Variants in PTPN11 observed in about 807,000 individuals in gnomAD.
PTPN11 encodes tyrosine-protein phosphatase non-receptor type 11.
PTPN11 carries 6 observed loss-of-function variants against 78.8 expected under a neutral mutation model. The observed-to-expected ratio is 0.08, with a 90% confidence interval of 0.04 to 0.15. The LOEUF (loss-of-function observed/expected upper bound fraction) is 0.15, where lower values mean the gene tolerates loss of function less well. Ranked by LOEUF, PTPN11 falls within the 10% of genes least tolerant of loss-of-function variation. The probability of loss-of-function intolerance (pLI) is 1.00; values close to 1 mark genes in which losing one functional copy is unlikely to be tolerated. For missense variants in PTPN11, 386 were observed against 744.8 expected (o/e 0.52, Z 5.61); for synonymous variants, 221 against 263.5 (o/e 0.84, Z 1.56).
intron 1 of PTPN11, among the ~76,000 whole-genome samples, chr12:112,422,624 C>T (rs528429656): frequency 5.3e-5 from 8 of 152,274 alleles, no homozygotes; most frequent in African/African-American, 9.6e-5. Context: ...CTGGTGGCCA[C>T]GTTTGTTTAT....
At chr12:112,495,147 T>C (rs2038798956) in intron 13 of PTPN11, among the ~76,000 whole-genome samples, 1 of 152,234 alleles carries the variant, frequency 6.6e-6, no homozygotes, top group South Asian at 2.1e-4. Context: ...GTTAACATTT[T>C]ACCTAACCAT....
chr12:112,493,768 T>G (rs1419986728), intron 13 of PTPN11, among the ~76,000 whole-genome samples: 2 of 152,196 alleles, frequency 1.3e-5, no homozygotes, highest in African/African-American at 4.8e-5. Context: ...AACTTCAAGT[T>G]TGTACCCTTT....
chr12:112,492,421 T>G (rs1015565213), intron 13 of PTPN11, among the ~76,000 whole-genome samples: 1 of 152,200 alleles, frequency 6.6e-6, no homozygotes, highest in Admixed American at 6.5e-5. Flanking sequence ...TTTTCCCTTT[T>G]AAGTTAATCT....
In PTPN11 at chr12:112,490,143, T is replaced by C. The variant is rs772261431; in HGVS notation, c.1599+968T>C. Among the ~76,000 whole-genome samples, 13 of 152,184 alleles carry C rather than the reference T, an allele frequency of 8.5e-5. 1 individual carries two copies. The highest frequency in any genetic ancestry group is 1.3e-4 in the Non-Finnish European group (9 of 68,026). On this transcript the variant is annotated intron_variant, in intron 13 of 15. Coordinates refer to ENST00000351677, the MANE Select transcript of PTPN11 (RefSeq NM_002834.5). ...AAATCTGAATTTGTATTAACTGATA[T>C]GAAATATTTAGACGGTTACTTTATT...
intron 5 of PTPN11, 24 bp downstream of exon 5, chr12:112,454,704 C>T: frequency 1.3e-6 from 2 of 1,553,168 alleles, no homozygotes; most frequent in Non-Finnish European, 1.8e-6. Flanking sequence ...AAAGCTCAAG[C>T]TTTCTCCTTA....
chr12:112,430,779 C>T (rs2037701209), intron 1 of PTPN11, among the ~76,000 whole-genome samples: 1 of 151,742 alleles, frequency 6.6e-6, no homozygotes, highest in South Asian at 2.1e-4. Flanking sequence ...CTTTGTTACC[C>T]AGACTGCAAG....
At position 112,505,674 on chromosome 12, in the gene PTPN11, A is replaced by AC. The variant is rs1271326958; in HGVS notation, c.*33-151_*33-150insC. On this transcript the variant is annotated intron_variant, in intron 15 of 15. Transcript: ENST00000351677. Reference sequence around the variant, plus strand: ...TCCATCTCAAAAAAAAAAAAAAAAAAAAAAAAACTCAGTGTCAGTATTTCA... The same window carrying AC: ...TCCATCTCAAAAAAAAAAAAAAAAAACAAAAAAACTCAGTGTCAGTATTTCA... Among the ~76,000 whole-genome samples the AC allele has an allele frequency of 2.4e-4, 36 of 150,622 alleles. No homozygotes were observed. The East Asian group carries it at 5.1e-3, about 21-fold the overall frequency.
At chr12:112,453,453 AAGAC>A in intron 4 of PTPN11, 66 bp downstream of exon 4, 1 of 1,259,160 alleles carries the variant, frequency 7.9e-7, no homozygotes, top group Non-Finnish European at 1.2e-6. Context: ...CTGCTGACAG[AAGAC>A]AGACACCATT....
intron 13 of PTPN11, among the ~76,000 whole-genome samples, chr12:112,491,679 C>T (rs1355621500): frequency 1.3e-5 from 2 of 152,132 alleles, no homozygotes; most frequent in Admixed American, 6.5e-5. Context: ...GGTCCAGGGT[C>T]ACACAGTGCA....
chr12:112,430,314 T>C (rs998266135), intron 1 of PTPN11, among the ~76,000 whole-genome samples: 2 of 152,236 alleles, frequency 1.3e-5, no homozygotes, highest in African/African-American at 4.8e-5. Context: ...ATATTGCTTT[T>C]TTCTTATTAT....
chr12:112,493,554 AATT>A (rs2038779893), intron 13 of PTPN11, among the ~76,000 whole-genome samples: 1 of 151,246 alleles, frequency 6.6e-6, no homozygotes, highest in Non-Finnish European at 1.5e-5. Context: ...ATGCCTGGCT[AATT>A]ATTGTATTTT....
At chr12:112,453,115 A>C (rs1382380059) in intron 3 of PTPN11, 80 bp from the exon 4 acceptor site, 1 of 1,198,682 alleles carries the variant, frequency 8.3e-7, no homozygotes, top group Non-Finnish European at 1.2e-6. Context: ...AGGAGAGCTG[A>C]CTGTATACAG....
intron 13 of PTPN11, 90 bp from the exon 14 acceptor site, chr12:112,502,052 CTT>C: frequency 9.9e-7 from 1 of 1,007,600 alleles, no homozygotes; most frequent in South Asian, 1.4e-5. Context: ...CTTTCTCCCT[CTT>C]TTTTCTTTTT....
At chr12:112,500,858 C>T (rs2038866807) in intron 13 of PTPN11, among the ~76,000 whole-genome samples, 1 of 152,218 alleles carries the variant, frequency 6.6e-6, no homozygotes, top group African/African-American at 2.4e-5. Flanking sequence ...TCCCAAAGTG[C>T]TGGGATAACA....
intron 10 of PTPN11, among the ~76,000 whole-genome samples, chr12:112,486,016 G>A (rs2038669327): frequency 1.6e-5 from 2 of 127,824 alleles, no homozygotes; most frequent in Admixed American, 1.6e-4. Context: ...ACTATAGTCT[G>A]TGTTTATATG....
intron 6 of PTPN11, among the ~76,000 whole-genome samples, chr12:112,472,308 G>T (rs1034523672): frequency 1.3e-5 from 2 of 152,074 alleles, no homozygotes; most frequent in Admixed American, 1.3e-4. Context: ...TTGTACGTAG[G>T]TGAATGCAAG....
chr12:112,469,892 G>A (rs1592841337), intron 6 of PTPN11, among the ~76,000 whole-genome samples: 1 of 152,118 alleles, frequency 6.6e-6, no homozygotes, highest in East Asian at 1.9e-4. Context: ...TGACATAAGA[G>A]GTGGTATGCA....
intron 11 of PTPN11, among the ~76,000 whole-genome samples, chr12:112,487,908 C>G (rs537496705): frequency 6.6e-6 from 1 of 152,014 alleles, no homozygotes; most frequent in Non-Finnish European, 1.5e-5. Flanking sequence ...CTCAGCCTCC[C>G]GAGTAGCTGG....
chr12:112,423,925 A>T (rs922511522), intron 1 of PTPN11, among the ~76,000 whole-genome samples: 54 of 150,024 alleles, frequency 3.6e-4, no homozygotes, highest in African/African-American at 1.3e-3. Context: ...CAATTTTTCT[A>T]TTTTTTTGTA....
Sources: gnomAD v4.1 joint callset for allele counts (sites outside exome capture counted in the v4.1 genomes callset) on GRCh38, gnomAD v4.1.1 for gene constraint, MANE v1.5 for transcripts, NCBI Gene and HGNC (gene_info 2026-07-23, HGNC 2026-07-21) for gene names.